Variants in GRHL2 observed in about 807,000 individuals in gnomAD.
The protein encoded by GRHL2 is grainyhead-like protein 2 homolog.
In GRHL2, 21 loss-of-function variants were observed where a neutral mutation model predicts 83.8. The observed-to-expected ratio is 0.25, with a 90% CI of 0.18 to 0.36. GRHL2 has a LOEUF of 0.36. Among genes scored for constraint, GRHL2 ranks in the 10% least tolerant of loss-of-function variants. The probability of loss-of-function intolerance (pLI) is 1.00; values close to 1 mark genes in which losing one functional copy is unlikely to be tolerated. For missense variants in GRHL2, 623 were observed against 781.8 expected (o/e 0.80, Z 2.42); for synonymous variants, 280 against 278.9 (o/e 1.00, Z -0.04).
intron 12 of GRHL2, among the ~76,000 whole-genome samples, chr8:101,637,865 C>T (rs557428824): frequency 6.6e-6 from 1 of 152,306 alleles, no homozygotes; most frequent in South Asian, 2.1e-4. Context: ...CATTCAAACA[C>T]CCCTTTCCTC....
chr8:101,655,183 TA>T (rs34917135), intron 14 of GRHL2, among the ~76,000 whole-genome samples: 16,099 of 143,842 alleles, frequency 0.11, 816 homozygotes, highest in South Asian at 0.14. Flanking sequence ...ACTCCAATCC[TA>T]AAAAAAAAAA....
At chr8:101,638,988 C>T (rs1326412978) in intron 12 of GRHL2, among the ~76,000 whole-genome samples, 1 of 152,134 alleles carries the variant, frequency 6.6e-6, no homozygotes, top group Non-Finnish European at 1.5e-5. Context: ...CGTAAGATCT[C>T]GAAGATTCCA....
At chr8:101,665,169 G>A (rs1406515325) in intron 15 of GRHL2, among the ~76,000 whole-genome samples, 1 of 152,146 alleles carries the variant, frequency 6.6e-6, no homozygotes, top group Non-Finnish European at 1.5e-5. Flanking sequence ...TGTTCAGTAG[G>A]TAGAGGACAG....
At chr8:101,608,536 G>GC (rs1812676021) in intron 8 of GRHL2, among the ~76,000 whole-genome samples, 6 of 152,302 alleles carry the variant, frequency 3.9e-5, no homozygotes, top group Admixed American at 1.3e-4. Context: ...GTAGGTAAGT[G>GC]ACAGTGGGTC....
intron 1 of GRHL2, among the ~76,000 whole-genome samples, chr8:101,513,582 C>T (rs1487658607): frequency 2.0e-5 from 3 of 149,104 alleles, no homozygotes; most frequent in African/African-American, 7.4e-5. Flanking sequence ...GCAACCTCCA[C>T]CTCCTGGGTT....
chr8:101,532,001 A>T (rs774868059), intron 1 of GRHL2, among the ~76,000 whole-genome samples: 27 of 152,244 alleles, frequency 1.8e-4, no homozygotes, highest in Non-Finnish European at 3.7e-4. Context: ...AATTAATTGA[A>T]TCTTCTCTTT....
At chr8:101,570,489 A>C in intron 5 of GRHL2, 95 bp downstream of exon 5, 1 of 1,008,028 alleles carries the variant, frequency 9.9e-7, no homozygotes, top group Non-Finnish European at 1.6e-6. Flanking sequence ...TTTCTTTGTA[A>C]ACTTGTACAG....
intron 7 of GRHL2, among the ~76,000 whole-genome samples, chr8:101,598,748 T>C (rs1586132459): frequency 6.6e-6 from 1 of 151,988 alleles, no homozygotes; most frequent in African/African-American, 2.4e-5. Context: ...GTAGGTGACG[T>C]AGGGCTTGGG....
intron 7 of GRHL2, among the ~76,000 whole-genome samples, chr8:101,591,179 T>C (rs1586125302): frequency 6.6e-6 from 1 of 152,164 alleles, no homozygotes; most frequent in African/African-American, 2.4e-5. Flanking sequence ...ACAATTCAAA[T>C]AGAATTGGAT....
chr8:101,570,637 G>C (rs559579999), intron 5 of GRHL2, among the ~76,000 whole-genome samples: 1 of 147,734 alleles, frequency 6.8e-6, no homozygotes, highest in Admixed American at 7.0e-5. Flanking sequence ...TTTTGTAGGT[G>C]TTCCTCTGAA....
intron 3 of GRHL2, 77 bp downstream of exon 3, chr8:101,552,859 C>T: frequency 3.6e-6 from 5 of 1,382,482 alleles, no homozygotes; most frequent in Middle Eastern, 1.8e-4. Flanking sequence ...ATGTTTTGTT[C>T]TTGAGAGGAG....
intron 9 of GRHL2, among the ~76,000 whole-genome samples, chr8:101,626,183 T>C (rs1240409573): frequency 4.6e-5 from 7 of 151,978 alleles, no homozygotes; most frequent in Non-Finnish European, 7.4e-5. Context: ...TTTAAAACCA[T>C]ACATTTTCTC....
At chr8:101,538,602 A>G (rs1038726616) in intron 1 of GRHL2, among the ~76,000 whole-genome samples, 15 of 152,172 alleles carry the variant, frequency 9.9e-5, no homozygotes, top group African/African-American at 3.6e-4. Context: ...AAGCTTCACA[A>G]AGGATATTTA....
At chr8:101,548,965 A>C (rs1811321505) in intron 2 of GRHL2, among the ~76,000 whole-genome samples, 1 of 152,214 alleles carries the variant, frequency 6.6e-6, no homozygotes, top group East Asian at 1.9e-4. Context: ...GGCCATTTTC[A>C]TTGATCAATT....
intron 6 of GRHL2, among the ~76,000 whole-genome samples, chr8:101,575,423 G>T (rs117528134): frequency 1.3e-5 from 2 of 151,996 alleles, no homozygotes; most frequent in African/African-American, 4.8e-5. Flanking sequence ...TTCCATTTTG[G>T]CTAAAGTGAA....
At chr8:101,571,319 G>C (rs1811816529) in intron 5 of GRHL2, among the ~76,000 whole-genome samples, 1 of 152,074 alleles carries the variant, frequency 6.6e-6, no homozygotes, top group Non-Finnish European at 1.5e-5. Context: ...CCAGGTAAAA[G>C]AGTCATGTTT....
intron 2 of GRHL2, among the ~76,000 whole-genome samples, chr8:101,548,261 G>A (rs1162206159): frequency 6.6e-6 from 1 of 152,222 alleles, no homozygotes; most frequent in Non-Finnish European, 1.5e-5. Context: ...TCTAAAGGCA[G>A]ATGATATTCG....
chr8:101,552,912 C>A, intron 3 of GRHL2, 130 bp downstream of exon 3: 1 of 872,580 alleles, frequency 1.1e-6, no homozygotes. Context: ...TCTTTTGAGT[C>A]TGGACCAATG....
chr8:101,513,286 ATTTCTCTTAG>A (rs1479598101), intron 1 of GRHL2, among the ~76,000 whole-genome samples: 1 of 152,014 alleles, frequency 6.6e-6, no homozygotes, highest in Non-Finnish European at 1.5e-5. Context: ...AAATTACTTA[ATTTCTCTTAG>A]TTTCTCATCT....
Sources: gnomAD v4.1 joint callset for allele counts (sites outside exome capture counted in the v4.1 genomes callset) on GRCh38, gnomAD v4.1.1 for gene constraint, MANE v1.5 for transcripts, NCBI Gene and HGNC (gene_info 2026-07-23, HGNC 2026-07-21) for gene names.